CACNA2D3: variants seen among roughly 807,000 people sequenced by gnomAD.
CACNA2D3 encodes calcium voltage-gated channel auxiliary subunit alpha2delta 3.
In CACNA2D3, 60 loss-of-function variants were observed where a neutral mutation model predicts 160.6. The ratio of observed to expected loss-of-function variants is 0.37; its 90% CI spans 0.30 to 0.46. The LOEUF (loss-of-function observed/expected upper bound fraction) is 0.46. Ranked by LOEUF, CACNA2D3 falls within the 20% of genes least tolerant of loss-of-function variation. CACNA2D3 has a pLI of 1.00. For missense variants in CACNA2D3, 1,205 were observed against 1,365.0 expected, an observed-to-expected ratio of 0.88 and a Z score of 1.85; for synonymous variants, 558 against 492.9, an observed-to-expected ratio of 1.13 and a Z score of -1.75.
chr3:54,183,584 C>T (rs1288477182), intron 2 of CACNA2D3, among the ~76,000 whole-genome samples: 5 of 151,896 alleles, frequency 3.3e-5, no homozygotes, highest in Non-Finnish European at 7.4e-5. Context: ...TCACATTTGC[C>T]TGAGTTTAAT....
intron 3 of CACNA2D3, among the ~76,000 whole-genome samples, chr3:54,351,358 G>T (rs941043583): frequency 6.6e-6 from 1 of 151,892 alleles, no homozygotes; most frequent in Admixed American, 6.6e-5. Context: ...GCTGCTTGCC[G>T]CCATTTTTAA....
intron 3 of CACNA2D3, among the ~76,000 whole-genome samples, chr3:54,369,522 A>G (rs1471935261): frequency 1.3e-5 from 2 of 152,128 alleles, no homozygotes; most frequent in Non-Finnish European, 2.9e-5. Context: ...ACCACCCTGG[A>G]TCACCTTTCC....
chr3:54,243,511 T>TAG (rs1438295981), intron 2 of CACNA2D3, among the ~76,000 whole-genome samples: 1 of 152,232 alleles, frequency 6.6e-6, no homozygotes, highest in Non-Finnish European at 1.5e-5. Flanking sequence ...TCATGTGTCT[T>TAG]TAACTTTGCA....
chr3:55,032,341 G>A (rs1393271242), intron 35 of CACNA2D3, among the ~76,000 whole-genome samples: 1 of 152,130 alleles, frequency 6.6e-6, no homozygotes, highest in Non-Finnish European at 1.5e-5. Context: ...GTTTGCTTTG[G>A]AAACTGAAAA....
At chr3:54,625,007 C>A (rs576570075) in intron 9 of CACNA2D3, among the ~76,000 whole-genome samples, 2 of 152,322 alleles carry the variant, frequency 1.3e-5, no homozygotes, top group Non-Finnish European at 2.9e-5. Flanking sequence ...ATTTGTTCAC[C>A]AGGCATTCCT....
At chr3:54,419,192 C>T (rs1699801274) in intron 4 of CACNA2D3, among the ~76,000 whole-genome samples, 1 of 152,250 alleles carries the variant, frequency 6.6e-6, no homozygotes, top group African/African-American at 2.4e-5. Flanking sequence ...TGTCAAGCCT[C>T]TTTGGACCCT....
At chr3:55,014,979 A>C (rs1213322374) in intron 34 of CACNA2D3, among the ~76,000 whole-genome samples, 1 of 152,224 alleles carries the variant, frequency 6.6e-6, no homozygotes, top group Non-Finnish European at 1.5e-5. Context: ...AAATAGACCC[A>C]ACGGTTTATC....
intron 2 of CACNA2D3, among the ~76,000 whole-genome samples, chr3:54,124,045 C>A (rs1699536316): frequency 6.6e-6 from 1 of 152,200 alleles, no homozygotes; most frequent in Non-Finnish European, 1.5e-5. Context: ...GTCATCCCTG[C>A]AGTTGTACAA....
intron 27 of CACNA2D3, among the ~76,000 whole-genome samples, chr3:54,918,056 A>C (rs9875930): frequency 0.029 from 4,407 of 152,250 alleles, 204 homozygotes; most frequent in African/African-American, 0.1. Context: ...AAAATTGGGC[A>C]GTTTTCCAGT....
chr3:54,899,271 G>T (rs1007258397), intron 26 of CACNA2D3, among the ~76,000 whole-genome samples: 1 of 152,206 alleles, frequency 6.6e-6, no homozygotes, highest in Non-Finnish European at 1.5e-5. Flanking sequence ...TTATGCTCTA[G>T]CTCTATCCCT....
chr3:54,718,135 C>A (rs1288095748), intron 11 of CACNA2D3, among the ~76,000 whole-genome samples: 1 of 152,060 alleles, frequency 6.6e-6, no homozygotes, highest in Admixed American at 6.5e-5. Context: ...ATTCCAGATA[C>A]CACTCCTTTA....
rs1437045985 is a variant in CACNA2D3, at chr3:55,055,064, A to ACAAGT, written c.2988-18379_2988-18375dup. Among the ~76,000 whole-genome samples, 6 of 152,186 alleles carry ACAAGT rather than the reference A, an allele frequency of 3.9e-5. No homozygotes were observed. The East Asian group carries it at 9.7e-4, about 25-fold the overall frequency. Reference sequence around the variant, plus strand: ...TTGAATTTTAACTTTTAGAGTTTAAACAAGTCTTTTTTATATAAGAAACAT... The same window carrying ACAAGT: ...TTGAATTTTAACTTTTAGAGTTTAAACAAGTCAAGTCTTTTTTATATAAGAAACAT... On this transcript the variant is annotated intron_variant, in intron 35 of 37. Transcript: ENST00000474759.
chr3:54,771,349 G>A (rs552736295), intron 13 of CACNA2D3, among the ~76,000 whole-genome samples: 2 of 152,296 alleles, frequency 1.3e-5, no homozygotes, highest in Admixed American at 6.5e-5. Flanking sequence ...TCTCCAGGTT[G>A]CCATGGATCA....
intron 9 of CACNA2D3, among the ~76,000 whole-genome samples, chr3:54,610,976 C>T (rs1851044): frequency 0.017 from 2,586 of 152,168 alleles, 89 homozygotes; most frequent in African/African-American, 0.059. Flanking sequence ...GGCTTTTCTT[C>T]GCCAAATGTA....
At chr3:54,292,693 G>T (rs1049761997) in intron 2 of CACNA2D3, among the ~76,000 whole-genome samples, 2 of 152,222 alleles carry the variant, frequency 1.3e-5, no homozygotes, top group African/African-American at 4.8e-5. Flanking sequence ...TGGCAAGGAT[G>T]TGGAGGAATC....
chr3:54,879,161 AT>A, intron 19 of CACNA2D3, 72 bp downstream of exon 19: 1 of 1,029,676 alleles, frequency 9.7e-7, no homozygotes, highest in Non-Finnish European at 1.4e-6. Flanking sequence ...TTTGAAAGCT[AT>A]ATCTGGAATA....
intron 12 of CACNA2D3, among the ~76,000 whole-genome samples, chr3:54,761,896 G>A (rs374810520): frequency 2.0e-5 from 3 of 152,142 alleles, no homozygotes; most frequent in Non-Finnish European, 4.4e-5. Flanking sequence ...GGTGGGTCCC[G>A]ACCCTTTCTG....
intron 11 of CACNA2D3, among the ~76,000 whole-genome samples, chr3:54,678,273 G>A (rs1415004720): frequency 6.6e-6 from 1 of 152,092 alleles, no homozygotes; most frequent in Non-Finnish European, 1.5e-5. Flanking sequence ...ATTAAGAGTT[G>A]GTGATTGTAT....
chr3:54,430,449 G>C (rs1559479249), intron 4 of CACNA2D3, among the ~76,000 whole-genome samples: 1 of 152,162 alleles, frequency 6.6e-6, no homozygotes, highest in Non-Finnish European at 1.5e-5. Flanking sequence ...TTTGGCTTTT[G>C]TGATTTATAA....
Sources: gnomAD v4.1 joint callset for allele counts (sites outside exome capture counted in the v4.1 genomes callset) on GRCh38, gnomAD v4.1.1 for gene constraint, MANE v1.5 for transcripts, NCBI Gene and HGNC (gene_info 2026-07-23, HGNC 2026-07-21) for gene names.